AFF3: variants seen among roughly 807,000 people sequenced by gnomAD.
The protein encoded by AFF3 is AF4/FMR2 family member 3.
AFF3 carries 32 observed loss-of-function variants against 129.7 expected under a neutral mutation model. That is an observed-to-expected ratio of 0.25 (90% CI 0.19 to 0.33). The LOEUF is 0.33. Ranked by LOEUF, AFF3 falls within the 10% of genes least tolerant of loss-of-function variation. The pLI, the probability that AFF3 is intolerant of heterozygous loss-of-function variation, is 1.00. For synonymous variants in AFF3, 644 were observed against 635.4 expected, an observed-to-expected ratio of 1.01 and a Z score of -0.20; for missense variants, 1,373 against 1,592.0, an observed-to-expected ratio of 0.86 and a Z score of 2.34.
At chr2:100,054,488 G>GT in intron 4 of AFF3, among the ~76,000 whole-genome samples, 1 of 152,240 alleles carries the variant, frequency 6.6e-6, no homozygotes, top group Non-Finnish European at 1.5e-5. Context: ...CCTTGAGCCT[G>GT]CGACATCAGT....
intron 12 of AFF3, among the ~76,000 whole-genome samples, chr2:99,653,669 A>T (rs1403255753): frequency 6.6e-6 from 1 of 152,210 alleles, no homozygotes; most frequent in Non-Finnish European, 1.5e-5. Context: ...GCTGAGTTGG[A>T]AGCTTAGAGC....
At chr2:99,965,748 G>A (rs1471716660) in intron 7 of AFF3, among the ~76,000 whole-genome samples, 1 of 152,220 alleles carries the variant, frequency 6.6e-6, no homozygotes, top group Non-Finnish European at 1.5e-5. Flanking sequence ...TATGGGCTGT[G>A]AGAAATTCAC....
In AFF3 at chr2:99,716,665, T is replaced by C. The variant is rs142777295; in HGVS notation, c.1091+10412A>G. On this transcript the variant is annotated intron_variant, in intron 11 of 24. Coordinates refer to ENST00000672756, the MANE Select transcript of AFF3 (RefSeq NM_001386135.1). ...TGGGAGGCCAAGGTGGGCGGATCACTAGATCAGGAGTTCGAGACCAGCCTG... is the reference window on the plus strand; with the variant it reads ...TGGGAGGCCAAGGTGGGCGGATCACCAGATCAGGAGTTCGAGACCAGCCTG... Among the ~76,000 whole-genome samples the C allele has an allele frequency of 6.5e-3, 986 of 151,958 alleles. 7 individuals carry two copies. The highest frequency in any genetic ancestry group is 7.4e-3 in the Non-Finnish European group (500 of 67,962).
intron 7 of AFF3, among the ~76,000 whole-genome samples, chr2:99,949,558 C>G (rs1205037948): frequency 6.6e-6 from 1 of 152,050 alleles, no homozygotes; most frequent in Non-Finnish European, 1.5e-5. Flanking sequence ...TTTCCTGCAA[C>G]TAGATGGTCC....
In AFF3 at chr2:99,551,552, C is replaced by A. The variant is rs2104458075; in HGVS notation, c.3603G>T (p.Leu1201=). The part of the protein sequence containing the change: ...DLDLLMGPVT[L]HSSMEHLVQY... ...GGACCAGGTGCTCCATGCTGCTGTG[C>A]AGGGTGACCGGCCCCATGAGCAGAT... Residue 1201 remains leucine (L), a synonymous_variant, in exon 25 of 25, where the codon CTG becomes CTT. Transcript: ENST00000672756. 6.2e-7 allele frequency: 1 copy of A among 1,614,136 alleles called. No individual in the cohort carries two copies. Among genetic ancestry groups the A allele is most frequent in the East Asian group, 2.2e-5 (1 of 44,866 alleles).
At chr2:99,924,684 A>T (rs1300120628) in intron 7 of AFF3, among the ~76,000 whole-genome samples, 2 of 152,188 alleles carry the variant, frequency 1.3e-5, no homozygotes, top group Non-Finnish European at 2.9e-5. Context: ...CATTACTTAT[A>T]AACTCAAACT....
intron 7 of AFF3, among the ~76,000 whole-genome samples, chr2:99,936,226 C>G (rs1674513345): frequency 6.6e-6 from 1 of 152,038 alleles, no homozygotes; most frequent in Non-Finnish European, 1.5e-5. Flanking sequence ...CAATCACTAG[C>G]CACACAGTCT....
At chr2:99,982,676 A>G (rs150490961) in intron 7 of AFF3, among the ~76,000 whole-genome samples, 1 of 152,230 alleles carries the variant, frequency 6.6e-6, no homozygotes, top group Non-Finnish European at 1.5e-5. Context: ...TCAGTTTCCA[A>G]CTCCCCTCAT....
At chr2:99,599,807 A>C (rs1174727213) in intron 14 of AFF3, among the ~76,000 whole-genome samples, 1 of 152,284 alleles carries the variant, frequency 6.6e-6, no homozygotes, top group Non-Finnish European at 1.5e-5. Context: ...GTATAGCATA[A>C]AGCAGGCTTT....
chr2:99,989,345 C>A (rs1680140896), intron 7 of AFF3, among the ~76,000 whole-genome samples: 1 of 152,148 alleles, frequency 6.6e-6, no homozygotes, highest in Admixed American at 6.5e-5. Flanking sequence ...ACAAAAGAAT[C>A]CAGAATCCAG....
chr2:99,643,650 G>C, intron 13 of AFF3, among the ~76,000 whole-genome samples: 1 of 152,136 alleles, frequency 6.6e-6, no homozygotes. Flanking sequence ...CACTTCCTTT[G>C]TTTGGCTGGA....
At chr2:99,684,501 T>C (rs17022882) in intron 11 of AFF3, among the ~76,000 whole-genome samples, 10,652 of 152,058 alleles carry the variant, frequency 0.07, 437 homozygotes, top group East Asian at 0.11. Context: ...CGTATAAACG[T>C]GAAGAGGAGA....
intron 11 of AFF3, among the ~76,000 whole-genome samples, chr2:99,695,956 A>C (rs1468028312): frequency 3.0e-5 from 4 of 135,290 alleles, no homozygotes; most frequent in African/African-American, 6.0e-5. Context: ...AAAAAAAAAA[A>C]AAAACCAAAA....
intron 18 of AFF3, among the ~76,000 whole-genome samples, chr2:99,575,737 T>A (rs941994511): frequency 9.9e-5 from 15 of 152,208 alleles, no homozygotes; most frequent in Admixed American, 2.0e-4. Flanking sequence ...AGTGTTTTTT[T>A]ATTCTATTAT....
chr2:99,763,216 C>A (rs1283490096), intron 8 of AFF3, among the ~76,000 whole-genome samples: 1 of 152,244 alleles, frequency 6.6e-6, no homozygotes, highest in Admixed American at 6.5e-5. Context: ...CCTTTAAACA[C>A]AGATTCCAGG....
intron 7 of AFF3, among the ~76,000 whole-genome samples, chr2:99,875,902 T>C (rs1012431982): frequency 8.5e-5 from 13 of 152,164 alleles, no homozygotes; most frequent in African/African-American, 2.9e-4. Flanking sequence ...CCATTCACGA[T>C]CTGCATGTTG....
At chr2:100,115,437 A>G (rs998124508) in intron 2 of AFF3, among the ~76,000 whole-genome samples, 4 of 152,092 alleles carry the variant, frequency 2.6e-5, no homozygotes, top group Middle Eastern at 3.2e-3. Flanking sequence ...AATTTCAGCT[A>G]CTAGGTACTT....
intron 7 of AFF3, among the ~76,000 whole-genome samples, chr2:99,981,917 A>G (rs1164242459): frequency 6.6e-6 from 1 of 152,222 alleles, no homozygotes; most frequent in Non-Finnish European, 1.5e-5. Context: ...GTTAACTACT[A>G]GAGTCTTTTT....
intron 4 of AFF3, among the ~76,000 whole-genome samples, chr2:100,076,140 A>G (rs1167210688): frequency 2.0e-5 from 3 of 152,192 alleles, no homozygotes; most frequent in African/African-American, 7.2e-5. Flanking sequence ...ATGGATGCAG[A>G]GCAGCTGGTG....
Sources: gnomAD v4.1 joint callset for allele counts (sites outside exome capture counted in the v4.1 genomes callset) on GRCh38, gnomAD v4.1.1 for gene constraint, MANE v1.5 for transcripts, NCBI Gene and HGNC (gene_info 2026-07-23, HGNC 2026-07-21) for gene names.